GABRB3: variants seen among roughly 807,000 people sequenced by gnomAD.
GABRB3 encodes gamma-aminobutyric acid receptor subunit beta-3.
In GABRB3, 14 loss-of-function variants were observed where a neutral mutation model predicts 52.1. The observed-to-expected ratio is 0.27, with a 90% CI of 0.18 to 0.42. The LOEUF (loss-of-function observed/expected upper bound fraction) is 0.42. Ranked by LOEUF, GABRB3 falls within the 10% of genes least tolerant of loss-of-function variation. The pLI is 1.00. For missense variants in GABRB3, 307 were observed against 609.1 expected, an observed-to-expected ratio of 0.50 and a Z score of 5.22; for synonymous variants, 260 against 232.3, an observed-to-expected ratio of 1.12 and a Z score of -1.08.
At chr15:26,654,166 GA>G (rs1159949860) in intron 3 of GABRB3, among the ~76,000 whole-genome samples, 2 of 152,106 alleles carry the variant, frequency 1.3e-5, no homozygotes, top group African/African-American at 4.8e-5. Flanking sequence ...TGTTTTTTGA[GA>G]TGGAGTCTTG....
chr15:26,714,944 G>C (rs947628205), intron 3 of GABRB3, among the ~76,000 whole-genome samples: 1 of 152,102 alleles, frequency 6.6e-6, no homozygotes, highest in Admixed American at 6.5e-5. Context: ...ACAACCATCC[G>C]CTGCCTCAAG....
At chr15:26,737,527 T>A (rs1420123689) in intron 3 of GABRB3, among the ~76,000 whole-genome samples, 1 of 152,116 alleles carries the variant, frequency 6.6e-6, no homozygotes, top group Non-Finnish European at 1.5e-5. Context: ...AGATAGAACA[T>A]TTGAAAAATA....
At chr15:26,730,276 G>A (rs1474485007) in intron 3 of GABRB3, among the ~76,000 whole-genome samples, 1 of 152,100 alleles carries the variant, frequency 6.6e-6, no homozygotes, top group Admixed American at 6.5e-5. Flanking sequence ...TGAATAGCCG[G>A]GCGTGGTAGC....
intron 3 of GABRB3, among the ~76,000 whole-genome samples, chr15:26,717,871 G>C (rs770182437): frequency 5.2e-4 from 79 of 152,164 alleles, no homozygotes; most frequent in Non-Finnish European, 4.3e-4. Context: ...TTGCCTCTTA[G>C]GCCAAAGGTA....
At chr15:26,597,253 T>C (rs1442427706) in intron 4 of GABRB3, among the ~76,000 whole-genome samples, 3 of 152,118 alleles carry the variant, frequency 2.0e-5, no homozygotes, top group African/African-American at 4.8e-5. Flanking sequence ...CATTGGATAG[T>C]TTATCTAGGA....
intron 3 of GABRB3, among the ~76,000 whole-genome samples, chr15:26,664,024 A>G (rs1368233273): frequency 1.3e-5 from 2 of 152,184 alleles, no homozygotes; most frequent in Non-Finnish European, 2.9e-5. Flanking sequence ...CATCTTTTAA[A>G]ATAGAAATGT....
chr15:26,763,843 CAAAAT>C (rs1890890219), intron 3 of GABRB3, among the ~76,000 whole-genome samples: 1 of 151,778 alleles, frequency 6.6e-6, no homozygotes, highest in Non-Finnish European at 1.5e-5. Flanking sequence ...AAAGTTAATA[CAAAAT>C]AAAATAAAAC....
intron 3 of GABRB3, among the ~76,000 whole-genome samples, chr15:26,624,041 A>G (rs976179176): frequency 2.0e-5 from 3 of 152,206 alleles, no homozygotes; most frequent in Admixed American, 2.0e-4. Flanking sequence ...AGCAATGGTG[A>G]GTTCAAGGGG....
chr15:26,657,196 T>C (rs761500736), intron 3 of GABRB3: 3 of 152,232 alleles, frequency 2.0e-5, no homozygotes, highest in Non-Finnish European at 4.4e-5. Context: ...TGGCCCTTTG[T>C]CGCCTGAGGA....
chr15:26,634,817 C>T lies in GABRB3; in HGVS notation c.241-13283G>A, dbSNP rs193180668. ...TTATCTGAACAATACTCACTAAATA[C>T]GTGTGTATATATGTGTTTGTGTGTG... On this transcript the variant is annotated intron_variant, in intron 3 of 8. Transcript: ENST00000311550. Among the ~76,000 whole-genome samples, 518 of 149,124 alleles carry T rather than the reference C, an allele frequency of 3.5e-3. 4 individuals are homozygous for T. The highest frequency in any genetic ancestry group is 0.012 in the African/African-American group (495 of 40,726).
At chr15:26,584,099 T>C (rs1354449009) in intron 4 of GABRB3, among the ~76,000 whole-genome samples, 2 of 152,190 alleles carry the variant, frequency 1.3e-5, no homozygotes, top group Non-Finnish European at 2.9e-5. Context: ...TAGCTCTTTT[T>C]GTGTGTGACG....
intron 3 of GABRB3, among the ~76,000 whole-genome samples, chr15:26,648,501 G>T (rs575766923): frequency 2.0e-5 from 3 of 152,302 alleles, no homozygotes; most frequent in Admixed American, 6.5e-5. Context: ...CATGGAGAGG[G>T]TGTACAGTGA....
chr15:26,605,957 A>G (rs1272515694), intron 4 of GABRB3, among the ~76,000 whole-genome samples: 2 of 152,144 alleles, frequency 1.3e-5, no homozygotes, highest in Admixed American at 6.6e-5. Flanking sequence ...GTCGAATACG[A>G]AGGAGGCACG....
rs761805689 is a variant in GABRB3, at chr15:26,560,975, G to A, written c.1037C>T (p.Thr346Ile). The A allele has an allele frequency of 6.2e-7, 1 of 1,614,150 alleles. No homozygotes were observed. Among genetic ancestry groups the A allele is most frequent in the Non-Finnish European group, 8.5e-7 (1 of 1,180,002 alleles). Reference sequence around the variant, plus strand: ...TGAACGGTCATTCTTTGCCTTGGCTGTCTTTTCTGCAAGCTTCTTCTGCCT... The same window carrying A: ...TGAACGGTCATTCTTTGCCTTGGCTATCTTTTCTGCAAGCTTCTTCTGCCT... The part of the protein sequence containing the change: ...PQRQKKLAEK[T>I]AKAKNDRSKS... Residue 346 changes from threonine to isoleucine, a missense_variant, in exon 8 of 9, where the codon ACA becomes ATA. By Grantham distance (89) the Thr-to-Ile change is moderately conservative. Coordinates refer to ENST00000311550, the MANE Select transcript of GABRB3 (RefSeq NM_000814.6).
At chr15:26,746,952 A>G (rs1228655210) in intron 3 of GABRB3, among the ~76,000 whole-genome samples, 1 of 152,154 alleles carries the variant, frequency 6.6e-6, no homozygotes, top group African/African-American at 2.4e-5. Flanking sequence ...GCACTACTGC[A>G]CTCCAGCCTG....
chr15:26,580,551 C>T, intron 5 of GABRB3, 95 bp from the exon 6 acceptor site: 2 of 1,517,464 alleles, frequency 1.3e-6, no homozygotes, highest in East Asian at 2.3e-5. Context: ...TGCGGCTCTG[C>T]TATGTTTTGA....
intron 3 of GABRB3, among the ~76,000 whole-genome samples, chr15:26,684,486 C>G (rs899654536): frequency 2.0e-5 from 3 of 152,180 alleles, no homozygotes; most frequent in African/African-American, 7.2e-5. Flanking sequence ...CCTTTGCACT[C>G]ACAACTTGGC....
intron 8 of GABRB3, among the ~76,000 whole-genome samples, chr15:26,554,163 A>T (rs868006390): frequency 5.6e-5 from 2 of 35,886 alleles, no homozygotes; most frequent in African/African-American, 2.3e-4. Context: ...TATATAAAGT[A>T]TATATATATA....
rs117788338 is a variant in GABRB3, at chr15:26,676,017, A to G, written c.241-54483T>C. The stretch of plus-strand genomic sequence containing the variant: ...CTGATTAGAGTTTGGTCAAGGAGAG[A>G]CTCTTTGTCATCAGAACTTATGCAG... On this transcript the variant is annotated intron_variant, in intron 3 of 8. Transcript: ENST00000311550. 3.3e-3 allele frequency among the ~76,000 whole-genome samples: 495 copies of G among 152,088 alleles called. 2 individuals are homozygous for G. Among genetic ancestry groups the G allele is most frequent in the Non-Finnish European group, 4.3e-3 (290 of 67,982 alleles).
Sources: gnomAD v4.1 joint callset for allele counts (sites outside exome capture counted in the v4.1 genomes callset) on GRCh38, gnomAD v4.1.1 for gene constraint, MANE v1.5 for transcripts, NCBI Gene and HGNC (gene_info 2026-07-23, HGNC 2026-07-21) for gene names.